Variants in NIBAN1 observed in about 807,000 individuals in gnomAD.
NIBAN1 encodes niban apoptosis regulator 1, also known as protein Niban 1.
A neutral mutation model predicts 75.1 loss-of-function variants in NIBAN1; 81 were observed. The ratio of observed to expected loss-of-function variants is 1.08; its 90% CI spans 0.90 to 1.30. NIBAN1 has a LOEUF of 1.30. Among genes scored for constraint, NIBAN1 ranks in the 50% most tolerant of loss-of-function variants. The pLI is 0.00. For missense variants in NIBAN1, 1,133 were observed against 1,128.1 expected (o/e 1.00, Z -0.06); for synonymous variants, 436 against 424.8 (o/e 1.03, Z -0.32).
chr1:184,799,873 G>A (rs113963838), intron 12 of NIBAN1, among the ~76,000 whole-genome samples: 3,659 of 95,822 alleles, frequency 0.038, 1,091 homozygotes, highest in Middle Eastern at 0.051. Context: ...AGCCTCCCGA[G>A]TAGCTGGGAC....
chr1:184,945,761 C>A (rs930288190), intron 1 of NIBAN1, among the ~76,000 whole-genome samples: 2 of 152,054 alleles, frequency 1.3e-5, no homozygotes, highest in African/African-American at 2.4e-5. Context: ...GATAGAGAGT[C>A]GCTGAAAATA....
In NIBAN1 at chr1:184,860,870, T is replaced by C. The variant is rs116621160; in HGVS notation, c.601+23763A>G. 4.7e-3 allele frequency among the ~76,000 whole-genome samples: 714 copies of C among 152,328 alleles called. 5 individuals carry two copies. The highest frequency in any genetic ancestry group is 0.016 in the African/African-American group (684 of 41,558). The stretch of plus-strand genomic sequence containing the variant: ...AATCTCAAGTTTTGGAGAAAGTTTC[T>C]TGTCTGCTTAGAGTCTACTTCATGA... On this transcript the variant is annotated intron_variant, in intron 5 of 13. Coordinates refer to ENST00000367511, the MANE Select transcript of NIBAN1 (RefSeq NM_052966.4).
At position 184,805,975 on chromosome 1, in the gene NIBAN1, T is replaced by C. The variant is rs1394748430; in HGVS notation, c.1417A>G (p.Ile473Val). The part of the protein sequence containing the change: ...QGEASKTAVA[I>V]EKVKLRVLKQ... Reference sequence around the variant, plus strand: ...AAGACTCGGAGTTTAACCTTCTCAATGGCAACTGCAGTTTTGGAGGCCTCT... The same window carrying C: ...AAGACTCGGAGTTTAACCTTCTCAACGGCAACTGCAGTTTTGGAGGCCTCT... The change falls in exon 11 of 14, where the codon ATT becomes GTT. Residue 473 changes from isoleucine (I) to valine (V), a missense_variant. By Grantham distance (29) the Ile-to-Val change is conservative. Coordinates refer to ENST00000367511, the MANE Select transcript of NIBAN1 (RefSeq NM_052966.4). 6.2e-7 allele frequency: 1 copy of C among 1,614,184 alleles called. No individual in the cohort carries two copies.
At chr1:184,868,154 A>T in intron 5 of NIBAN1, 2 of 622,144 alleles carry the variant, frequency 3.2e-6, no homozygotes, top group Non-Finnish European at 4.0e-6. Context: ...CTTCTTTTTT[A>T]CCTCCTTTTC....
chr1:184,863,935 C>T (rs529017473), intron 5 of NIBAN1, among the ~76,000 whole-genome samples: 32 of 152,248 alleles, frequency 2.1e-4, no homozygotes, highest in South Asian at 4.1e-4. Context: ...TCATAGGGAT[C>T]GAAAGAGCAT....
chr1:184,841,626 G>A (rs1000466905), intron 5 of NIBAN1, among the ~76,000 whole-genome samples: 6 of 152,292 alleles, frequency 3.9e-5, no homozygotes, highest in Non-Finnish European at 5.9e-5. Context: ...GGCTGGATTC[G>A]TTTCATGGAG....
rs1305419937 is a variant in NIBAN1, at chr1:184,818,670, G to A, written c.1141C>T (p.Gln381Ter). 2.5e-6 allele frequency: 4 copies of A among 1,610,816 alleles called. 1 individual carries two copies. In the Middle Eastern group the frequency reaches 5.0e-4, roughly 200 times the overall value. The change falls in exon 9 of 14, where the codon CAG becomes TAG. Residue 381 changes from glutamine to a stop codon, truncating the protein, a stop_gained. Transcript: ENST00000367511. LOFTEE classifies it high-confidence loss of function. Reference protein sequence around the residue: ...KEVNEVSQNFQTTKDSVQLKE... With the variant: ...KEVNEVSQNF ...AGCTGGACACTGTCTTTGGTGGTCTGGAAGTTCTGGCTGACTTCATTCACC... is the reference window on the plus strand; with the variant it reads ...AGCTGGACACTGTCTTTGGTGGTCTAGAAGTTCTGGCTGACTTCATTCACC...
chr1:184,871,316 CAGCCTGGGTTACA>C (rs1656100544), intron 5 of NIBAN1, among the ~76,000 whole-genome samples: 3 of 135,134 alleles, frequency 2.2e-5, no homozygotes, highest in African/African-American at 8.3e-5. Flanking sequence ...CATTACACTC[CAGCCTGGGTTACA>C]AGATCAAAAC....
intron 1 of NIBAN1, among the ~76,000 whole-genome samples, chr1:184,934,140 A>T (rs1657893772): frequency 6.6e-6 from 1 of 152,254 alleles, no homozygotes; most frequent in Admixed American, 6.5e-5. Flanking sequence ...ATGCAGCCAT[A>T]AAAAGTAACA....
At chr1:184,863,317 A>G (rs1655866520) in intron 5 of NIBAN1, among the ~76,000 whole-genome samples, 1 of 152,228 alleles carries the variant, frequency 6.6e-6, no homozygotes, top group Admixed American at 6.5e-5. Flanking sequence ...CAGACACAGA[A>G]CTGACTTGAG....
chr1:184,881,002 C>T (rs1656362675), intron 5 of NIBAN1, among the ~76,000 whole-genome samples: 1 of 152,062 alleles, frequency 6.6e-6, no homozygotes, highest in East Asian at 1.9e-4. Flanking sequence ...GGATGTTTTA[C>T]TAAGGATTAA....
At chr1:184,843,868 G>A (rs1655363210) in intron 5 of NIBAN1, among the ~76,000 whole-genome samples, 1 of 152,202 alleles carries the variant, frequency 6.6e-6, no homozygotes, top group African/African-American at 2.4e-5. Context: ...ACAGGCAGGT[G>A]TGGCCATCAC....
At chr1:184,883,693 G>A (rs947688676) in intron 5 of NIBAN1, among the ~76,000 whole-genome samples, 1 of 152,190 alleles carries the variant, frequency 6.6e-6, no homozygotes, top group African/African-American at 2.4e-5. Flanking sequence ...ACTCGGCCGT[G>A]TGCTAGAAAA....
At chr1:184,958,947 T>C (rs1658559389) in intron 1 of NIBAN1, among the ~76,000 whole-genome samples, 2 of 152,258 alleles carry the variant, frequency 1.3e-5, no homozygotes, top group Non-Finnish European at 2.9e-5. Context: ...CAATTTTTCC[T>C]GTATAACTTG....
intron 1 of NIBAN1, among the ~76,000 whole-genome samples, chr1:184,926,597 T>C (rs1201032421): frequency 1.3e-5 from 2 of 152,234 alleles, no homozygotes; most frequent in African/African-American, 4.8e-5. Context: ...TCTTTATCCT[T>C]GACTATCAGA....
intron 5 of NIBAN1, among the ~76,000 whole-genome samples, chr1:184,875,135 A>G (rs1656199353): frequency 6.6e-6 from 1 of 152,242 alleles, no homozygotes; most frequent in African/African-American, 2.4e-5. Flanking sequence ...TGCATATCCA[A>G]ACTTGTGAGA....
At chr1:184,838,537 T>G (rs188465318) in intron 5 of NIBAN1, among the ~76,000 whole-genome samples, 3 of 152,320 alleles carry the variant, frequency 2.0e-5, no homozygotes, top group Non-Finnish European at 4.4e-5. Flanking sequence ...CTTTAGTCTC[T>G]CTCTACTTCC....
chr1:184,794,900 C>T lies in NIBAN1; in HGVS notation c.*77G>A, dbSNP rs1653794347. ...ATACTTAAAAATTTTTTGGTAACAG[C>T]TTGCATGCAACCCCTAAGTGTACCC... On this transcript the variant is annotated 3_prime_UTR_variant, in exon 14 of 14. Coordinates refer to ENST00000367511, the MANE Select transcript of NIBAN1 (RefSeq NM_052966.4). The T allele has an allele frequency of 2.5e-6, 4 of 1,591,510 alleles. No homozygotes were observed. In the African/African-American group the frequency reaches 5.4e-5, roughly 21 times the overall value.
intron 6 of NIBAN1, among the ~76,000 whole-genome samples, chr1:184,826,108 G>C (rs1654833994): frequency 6.6e-6 from 1 of 152,190 alleles, no homozygotes; most frequent in South Asian, 2.1e-4. Flanking sequence ...AGGTGGACGA[G>C]CTATCCAGTC....
Sources: gnomAD v4.1 joint callset for allele counts (sites outside exome capture counted in the v4.1 genomes callset) on GRCh38, gnomAD v4.1.1 for gene constraint, MANE v1.5 for transcripts, NCBI Gene and HGNC (gene_info 2026-07-23, HGNC 2026-07-21) for gene names.